COG5: variants seen among roughly 807,000 people sequenced by gnomAD.
The protein encoded by COG5 is component of oligomeric golgi complex 5.
A neutral mutation model predicts 110.4 loss-of-function variants in COG5; 86 were observed. The ratio of observed to expected loss-of-function variants is 0.78; its 90% confidence interval spans 0.65 to 0.93. The LOEUF is 0.93. Ranked by LOEUF, COG5 falls within the 40% of genes least tolerant of loss-of-function variation. COG5 has a pLI of 0.00. For missense variants in COG5, 1,077 were observed against 987.0 expected (o/e 1.09, Z -1.22); for synonymous variants, 360 against 334.6 (o/e 1.08, Z -0.83).
chr7:107,305,571 T>C (rs1807644248), intron 11 of COG5, among the ~76,000 whole-genome samples: 1 of 152,114 alleles, frequency 6.6e-6, no homozygotes, highest in South Asian at 2.1e-4. Context: ...AATCCTGGCA[T>C]GGCTTAGTTT....
intron 19 of COG5, among the ~76,000 whole-genome samples, chr7:107,230,177 T>C (rs1228942407): frequency 6.6e-6 from 1 of 152,170 alleles, no homozygotes; most frequent in African/African-American, 2.4e-5. Flanking sequence ...TAATACTTCA[T>C]TCAATAGTTT....
At chr7:107,534,733 C>A (rs1801457640) in intron 5 of COG5, among the ~76,000 whole-genome samples, 1 of 151,350 alleles carries the variant, frequency 6.6e-6, no homozygotes, top group South Asian at 2.1e-4. Context: ...GACATTAACA[C>A]CCCAATGTCA....
At chr7:107,327,343 G>GA (rs1262296352) in intron 10 of COG5, among the ~76,000 whole-genome samples, 5 of 151,658 alleles carry the variant, frequency 3.3e-5, no homozygotes, top group East Asian at 1.9e-4. Context: ...ATAACTCCTA[G>GA]AAAAAAAACA....
intron 6 of COG5, among the ~76,000 whole-genome samples, chr7:107,434,926 T>C (rs949027219): frequency 3.3e-5 from 5 of 150,598 alleles, no homozygotes; most frequent in Admixed American, 6.6e-5. Context: ...GCTGAGATCA[T>C]GCCACTGCAC....
At chr7:107,452,950 C>T (rs1347116262) in intron 6 of COG5, among the ~76,000 whole-genome samples, 1 of 152,158 alleles carries the variant, frequency 6.6e-6, no homozygotes, top group East Asian at 1.9e-4. Flanking sequence ...TCCCTGCAGA[C>T]TAGTGTCTGT....
At chr7:107,294,663 C>A (rs1806445447) in intron 12 of COG5, among the ~76,000 whole-genome samples, 1 of 150,836 alleles carries the variant, frequency 6.6e-6, no homozygotes, top group East Asian at 1.9e-4. Flanking sequence ...TATGTTCCAG[C>A]TGCACTGGCT....
chr7:107,443,126 A>G (rs539435549), intron 6 of COG5, among the ~76,000 whole-genome samples: 1 of 152,336 alleles, frequency 6.6e-6, no homozygotes, highest in South Asian at 2.1e-4. Flanking sequence ...GCTGATGAAA[A>G]GAAAAACAAA....
intron 6 of COG5, among the ~76,000 whole-genome samples, chr7:107,415,191 T>C (rs1400302856): frequency 6.6e-6 from 1 of 152,142 alleles, no homozygotes; most frequent in Non-Finnish European, 1.5e-5. Context: ...GGAATGCACG[T>C]ATGAAATTGG....
chr7:107,563,550 G>C lies in COG5; in HGVS notation c.94+253C>G, dbSNP rs1012749513. 65 of 495,004 alleles carry C rather than the reference G, an allele frequency of 1.3e-4. 2 individuals are homozygous for C. The highest frequency in any genetic ancestry group is 6.3e-4 in the East Asian group (17 of 27,178). 30.7% of individuals were successfully genotyped at this position (495,004 alleles called of 1,614,324 possible). On this transcript the variant is annotated intron_variant, in intron 1 of 21. Transcript: ENST00000297135. ...TTCAGGGAAGCTGGAGGCATGGGGG[G>C]GGGGGGGGTCGAGTTGAAATGAGGA...
At chr7:107,372,496 G>A in intron 8 of COG5, 99 bp downstream of exon 8, 1 of 1,121,574 alleles carries the variant, frequency 8.9e-7, no homozygotes, top group South Asian at 1.3e-5. Context: ...TAAAAAATGA[G>A]TCATTAGATT....
intron 17 of COG5, among the ~76,000 whole-genome samples, chr7:107,239,069 T>G (rs1801420819): frequency 6.6e-6 from 1 of 152,220 alleles, no homozygotes; most frequent in Admixed American, 6.5e-5. Context: ...ATTTTCCTGT[T>G]TTCTTAAATT....
chr7:107,418,051 CTGAT>C (rs911078322), intron 6 of COG5, among the ~76,000 whole-genome samples: 20 of 152,162 alleles, frequency 1.3e-4, no homozygotes, highest in Admixed American at 6.5e-4. Context: ...ACATCCCTGC[CTGAT>C]TAAGAAATTC....
At chr7:107,311,418 G>A (rs6971817) in intron 11 of COG5, among the ~76,000 whole-genome samples, 113 of 103,938 alleles carry the variant, frequency 1.1e-3, no homozygotes, top group African/African-American at 3.9e-3. Context: ...ACGGAGTCTC[G>A]CTCTGTCGCC....
In COG5 at chr7:107,311,772, T is replaced by TAC. The variant is rs1043609218; in HGVS notation, c.1108+12666_1108+12667dup. On this transcript the variant is annotated intron_variant, in intron 11 of 21. Coordinates refer to ENST00000297135, the MANE Select transcript of COG5 (RefSeq NM_006348.5). ...TTATATAATAGAGATACTAATGCCT[T>TAC]ACCTTTAGTGTTAATTAAAAATTTT... 1.2e-3 allele frequency among the ~76,000 whole-genome samples: 178 copies of TAC among 152,236 alleles called. 2 individuals are homozygous for TAC. Among genetic ancestry groups the TAC allele is most frequent in the African/African-American group, 4.1e-3 (169 of 41,574 alleles).
intron 5 of COG5, among the ~76,000 whole-genome samples, chr7:107,545,172 G>A (rs972531710): frequency 2.0e-5 from 3 of 152,164 alleles, no homozygotes; most frequent in African/African-American, 7.2e-5. Flanking sequence ...TATATGTTAT[G>A]GGTGTCCCAG....
intron 17 of COG5, among the ~76,000 whole-genome samples, chr7:107,241,973 G>A (rs1024002887): frequency 2.0e-5 from 3 of 151,942 alleles, no homozygotes; most frequent in Admixed American, 1.3e-4. Context: ...GTAGAGACAG[G>A]GTTTCACCAT....
chr7:107,420,501 C>T (rs1793207951), intron 6 of COG5, among the ~76,000 whole-genome samples: 1 of 152,184 alleles, frequency 6.6e-6, no homozygotes, highest in Non-Finnish European at 1.5e-5. Context: ...TGCTCTGTCG[C>T]TCAGGCTGGA....
intron 6 of COG5, among the ~76,000 whole-genome samples, chr7:107,416,394 G>A (rs1792848217): frequency 6.6e-6 from 1 of 151,866 alleles, no homozygotes; most frequent in Non-Finnish European, 1.5e-5. Context: ...ACAACTTTTA[G>A]AAAACACACA....
At chr7:107,368,500 G>A (rs534376511) in intron 8 of COG5, among the ~76,000 whole-genome samples, 5 of 152,166 alleles carry the variant, frequency 3.3e-5, no homozygotes, top group South Asian at 2.1e-4. Context: ...TTTCTGGATC[G>A]CTGGTTTAGC....
Sources: allele counts gnomAD v4.1 joint callset (sites outside exome capture counted in the v4.1 genomes callset), GRCh38; gene constraint gnomAD v4.1.1; transcripts MANE v1.5; gene names NCBI Gene and HGNC (gene_info 2026-07-23, HGNC 2026-07-21).